Variants in LAMP3 observed in about 807,000 individuals in gnomAD.
LAMP3 encodes the protein lysosome-associated membrane glycoprotein 3.
A neutral mutation model predicts 34.8 loss-of-function variants in LAMP3; 26 were observed. The ratio of observed to expected loss-of-function variants is 0.75; its 90% CI spans 0.55 to 1.04. LAMP3 has a LOEUF of 1.04. LAMP3 is among the 50% of genes least tolerant of loss of function. LAMP3 has a pLI of 0.00. For synonymous variants in LAMP3, 180 were observed against 201.9 expected (o/e 0.89, Z 0.92); for missense variants, 495 against 524.0 (o/e 0.94, Z 0.54).
intron 5 of LAMP3, among the ~76,000 whole-genome samples, chr3:183,125,834 T>C (rs1719765894): frequency 1.3e-5 from 2 of 152,168 alleles, no homozygotes; most frequent in African/African-American, 4.8e-5. Flanking sequence ...TGTGCTACCA[T>C]GCTGGGCCAA....
chr3:183,152,228 G>T, intron 3 of LAMP3, 147 bp downstream of exon 3: 1 of 866,496 alleles, frequency 1.2e-6, no homozygotes, highest in Non-Finnish European at 1.7e-6. Flanking sequence ...ATAAGATGTT[G>T]ACACTTCCTC....
At chr3:183,136,130 G>C (rs1489989750) in intron 4 of LAMP3, among the ~76,000 whole-genome samples, 2 of 152,122 alleles carry the variant, frequency 1.3e-5, no homozygotes, top group Non-Finnish European at 2.9e-5. Context: ...AATGAAATGA[G>C]AACTTTTGAG....
Position 183,123,126 on chromosome 3 carries a change from T to C in LAMP3, c.*955A>G, listed in dbSNP as rs1009569552. 6.6e-6 allele frequency: 1 copy of C among 152,250 alleles called. No homozygotes were observed. The highest frequency in any genetic ancestry group is 1.5e-5 in the Non-Finnish European group (1 of 68,042). The allele number at this position is 152,250 out of a possible 1,614,324, so 9.4% of individuals were successfully genotyped here. ...GCTTATTGTTTAGTTCTACCATCTG[T>C]AGCCACCTAATTCTTAGTCTAGCGA... is the stretch of plus-strand genomic sequence containing the variant. On this transcript the variant is annotated 3_prime_UTR_variant, in exon 6 of 6. Transcript: ENST00000265598.
intron 4 of LAMP3, among the ~76,000 whole-genome samples, chr3:183,138,557 T>C (rs1216428466): frequency 6.6e-6 from 1 of 152,184 alleles, no homozygotes; most frequent in Admixed American, 6.5e-5. Flanking sequence ...AGGGAAACAT[T>C]TGAGGCCTCT....
chr3:183,154,179 G>C lies in LAMP3; in HGVS notation c.262C>G (p.Pro88Ala), dbSNP rs1720754616. The C allele has an allele frequency of 1.2e-6, 2 of 1,613,748 alleles. No individual in the cohort carries two copies. The highest frequency in any genetic ancestry group is 1.3e-5 in the African/African-American group (1 of 74,864). Reference sequence around the variant, plus strand: ...GTTGCAGTGTTTTTTGTAGTCGCTGGGGTAGTTGTTGGAATTTTTACTGTG... The same window carrying C: ...GTTGCAGTGTTTTTTGTAGTCGCTGCGGTAGTTGTTGGAATTTTTACTGTG... ...AATVKIPTTT[P>A]ATTKNTATTS... Residue 88 changes from proline to alanine, a missense_variant, in exon 2 of 6, where the codon CCA becomes GCA. By Grantham distance (27) the Pro-to-Ala change is conservative. Transcript: ENST00000265598.
Position 183,141,897 on chromosome 3 carries a change from C to T in LAMP3, c.889-1302G>A, listed in dbSNP as rs918213464. On this transcript the variant is annotated intron_variant, in intron 3 of 5. Transcript: ENST00000265598. ...TCCAGGTCACAGCCCTAAGAGGTGG[C>T]AGGGGAAGATATGACCTCCAGCTCT... Among the ~76,000 whole-genome samples the T allele has an allele frequency of 2.0e-4, 30 of 152,140 alleles. 1 individual carries two copies. The highest frequency in any genetic ancestry group is 4.3e-4 in the Non-Finnish European group (29 of 68,020).
At chr3:183,147,378 A>G (rs1720480113) in intron 3 of LAMP3, among the ~76,000 whole-genome samples, 1 of 152,152 alleles carries the variant, frequency 6.6e-6, no homozygotes, top group Non-Finnish European at 1.5e-5. Context: ...TGCCATTTGC[A>G]CCATCTGCAG....
intron 4 of LAMP3, among the ~76,000 whole-genome samples, chr3:183,140,321 C>T (rs901328044): frequency 2.2e-4 from 31 of 141,106 alleles, no homozygotes; most frequent in African/African-American, 6.0e-4. Context: ...ACAAGATAAT[C>T]GCTTGAACAC....
chr3:183,153,055 A>G (rs1448003087), intron 2 of LAMP3, among the ~76,000 whole-genome samples: 2 of 151,888 alleles, frequency 1.3e-5, no homozygotes, highest in African/African-American at 2.4e-5. Flanking sequence ...GGTGCCTGTA[A>G]TCCCAGCTAC....
At position 183,152,420 on chromosome 3, in the gene LAMP3, A is replaced by G. The variant is rs1720666444; in HGVS notation, c.843T>C (p.Leu281=). The G allele has an allele frequency of 1.6e-5, 26 of 1,612,596 alleles. No individual in the cohort carries two copies. The highest frequency in any genetic ancestry group is 2.1e-5 in the Non-Finnish European group (25 of 1,179,498). The change falls in exon 3 of 6, where the codon CTT becomes CTC. Residue 281 remains leucine (L), a synonymous_variant. Coordinates refer to ENST00000265598, the MANE Select transcript of LAMP3 (RefSeq NM_014398.4). ...CAAATCCGCCCTGAAAATTCAACAG[A>G]AGGTTGGATTTTCGGGTGCCACAGT... ...SGNCGTRKSN[L]LLNFQGGFVN... is the part of the protein sequence containing the mutation.
At chr3:183,155,852 C>A (rs1055447030) in intron 1 of LAMP3, among the ~76,000 whole-genome samples, 10 of 152,168 alleles carry the variant, frequency 6.6e-5, no homozygotes, top group African/African-American at 2.4e-4. Flanking sequence ...AGGACAACAG[C>A]ATTGTAGGCC....
In LAMP3 at chr3:183,158,736, G is replaced by T. The variant is rs529674735; in HGVS notation, c.49+3871C>A. 5.3e-5 allele frequency among the ~76,000 whole-genome samples: 8 copies of T among 152,204 alleles called. No homozygotes were observed. In the South Asian group the frequency reaches 1.7e-3, roughly 32 times the overall value. The stretch of plus-strand genomic sequence containing the variant: ...GTCCCTTCCCAGACAGCCTTTGGTT[G>T]GTTTCCCTGCCACACCACTCAACAG... On this transcript the variant is annotated intron_variant, in intron 1 of 5. Transcript: ENST00000265598.
Position 183,133,699 on chromosome 3 carries a change from C to T in LAMP3, c.1117+2018G>A, listed in dbSNP as rs541016202. On this transcript the variant is annotated intron_variant, in intron 5 of 5. Transcript: ENST00000265598. ...CAGGGGCTGCTCAGATAGCTTGGGG[C>T]TCCTAAATCAGCATAATAAACAGCA... Among the ~76,000 whole-genome samples the T allele has an allele frequency of 3.9e-5, 6 of 152,214 alleles. No homozygotes were observed. In the South Asian group the frequency reaches 1.2e-3, roughly 32 times the overall value.
intron 3 of LAMP3, 144 bp downstream of exon 3, chr3:183,152,231 A>G: frequency 1.1e-6 from 1 of 885,390 alleles, no homozygotes; most frequent in Non-Finnish European, 1.7e-6. Context: ...AGATGTTGAC[A>G]CTTCCTCCTC....
intron 1 of LAMP3, among the ~76,000 whole-genome samples, chr3:183,160,085 A>T (rs563808417): frequency 6.6e-6 from 1 of 152,362 alleles, no homozygotes; most frequent in Non-Finnish European, 1.5e-5. Flanking sequence ...ATGTTTTCAC[A>T]TGAAAGAGTA....
At chr3:183,131,080 T>A (rs1719905461) in intron 5 of LAMP3, among the ~76,000 whole-genome samples, 1 of 152,228 alleles carries the variant, frequency 6.6e-6, no homozygotes, top group African/African-American at 2.4e-5. Flanking sequence ...GTTACCAGAA[T>A]GCTAATTCAA....
intron 4 of LAMP3, among the ~76,000 whole-genome samples, chr3:183,136,941 G>C (rs893797165): frequency 6.6e-6 from 1 of 152,056 alleles, no homozygotes; most frequent in East Asian, 1.9e-4. Context: ...CCAGGAGTTC[G>C]AGGTTGCAGT....
chr3:183,146,198 C>A (rs545201316), intron 3 of LAMP3, among the ~76,000 whole-genome samples: 2 of 152,290 alleles, frequency 1.3e-5, no homozygotes, highest in South Asian at 4.1e-4. Flanking sequence ...CTGGGGTGGG[C>A]AGTTGCTCCT....
In LAMP3 at chr3:183,123,964, G is replaced by C; in HGVS notation, c.*117C>G. On this transcript the variant is annotated 3_prime_UTR_variant, in exon 6 of 6. Coordinates refer to ENST00000265598, the MANE Select transcript of LAMP3 (RefSeq NM_014398.4). The stretch of plus-strand genomic sequence containing the variant: ...CATGACTCACTTCATTTGAATAGAA[G>C]ATGGTGGTTTACATTGTTTGAAGGA... 1 of 1,040,652 alleles carries C rather than the reference G, an allele frequency of 9.6e-7. No homozygotes were observed. Among genetic ancestry groups the C allele is most frequent in the East Asian group, 2.5e-5 (1 of 40,034 alleles). 64.5% of individuals were successfully genotyped at this position (1,040,652 alleles called of 1,614,324 possible).
Sources: allele counts gnomAD v4.1 joint callset (sites outside exome capture counted in the v4.1 genomes callset), GRCh38; gene constraint gnomAD v4.1.1; transcripts MANE v1.5; gene names NCBI Gene and HGNC (gene_info 2026-07-23, HGNC 2026-07-21).